HERC4: variants seen among roughly 807,000 people sequenced by gnomAD.
HERC4 encodes probable E3 ubiquitin-protein ligase HERC4.
HERC4 carries 28 observed loss-of-function variants against 124.3 expected under a neutral mutation model. The ratio of observed to expected loss-of-function variants is 0.23; its 90% CI spans 0.17 to 0.31. HERC4 has a LOEUF of 0.31. Ranked by LOEUF, HERC4 falls within the 10% of genes least tolerant of loss-of-function variation. The pLI is 1.00. For missense variants in HERC4, 713 were observed against 1,229.3 expected, an observed-to-expected ratio of 0.58 and a Z score of 6.28; for synonymous variants, 407 against 421.5, an observed-to-expected ratio of 0.97 and a Z score of 0.42.
In HERC4 at chr10:68,049,796, CACT is replaced by C. The variant is rs964562079; in HGVS notation, c.227-5236_227-5234del. Among the ~76,000 whole-genome samples, 10 of 151,546 alleles carry C rather than the reference CACT, an allele frequency of 6.6e-5. 1 individual carries two copies. The highest frequency in any genetic ancestry group is 2.6e-4 in the Admixed American group (4 of 15,194). ...CATGGGGGCAAATGCTTGTAGTTTCCACTACTCAGGGAATTGAGGTGGGAGGAT... is the reference window on the plus strand; with the variant it reads ...CATGGGGGCAAATGCTTGTAGTTTCCACTCAGGGAATTGAGGTGGGAGGAT... On this transcript the variant is annotated intron_variant, in intron 3 of 24. Coordinates refer to ENST00000373700, the MANE Select transcript of HERC4 (RefSeq NM_015601.4).
intron 16 of HERC4, chr10:67,965,020 C>G: frequency 6.6e-6 from 1 of 152,384 alleles, no homozygotes; most frequent in Non-Finnish European, 1.5e-5. Flanking sequence ...GATCTGCCCA[C>G]CTCGGCCTCC....
chr10:67,976,322 T>C (rs375583306), intron 15 of HERC4, among the ~76,000 whole-genome samples: 26 of 152,362 alleles, frequency 1.7e-4, no homozygotes, highest in Middle Eastern at 3.4e-3. Context: ...CCAATATTTA[T>C]GTTTATACAT....
At chr10:68,010,319 G>A in intron 9 of HERC4, 1 of 938,490 alleles carries the variant, frequency 1.1e-6, no homozygotes, top group East Asian at 2.8e-5. Context: ...TACCAAAATG[G>A]GAGCCTGGGG....
At position 67,988,653 on chromosome 10, in the gene HERC4, T is replaced by C. The variant is rs762438636; in HGVS notation, c.1806+10A>G. On this transcript the variant is annotated intron_variant, in intron 15 of 24. Transcript: ENST00000373700. ...GGGAAAGAGGAAAATAAAGGAATGATTGGACATACCCTATGTAGTATTTCT... is the reference window on the plus strand; with the variant it reads ...GGGAAAGAGGAAAATAAAGGAATGACTGGACATACCCTATGTAGTATTTCT... 13 of 1,473,618 alleles carry C rather than the reference T, an allele frequency of 8.8e-6. No individual in the cohort carries two copies. Among genetic ancestry groups the C allele is most frequent in the South Asian group, 1.3e-5 (1 of 78,376 alleles). The allele number at this position is 1,473,618 out of a possible 1,614,324, so 91.3% of individuals were successfully genotyped here. A position where few individuals can be genotyped will look rare whatever the true frequency, so the allele number is the denominator to read the frequency against.
intron 19 of HERC4, among the ~76,000 whole-genome samples, chr10:67,947,002 G>C (rs1056537754): frequency 6.6e-6 from 1 of 152,154 alleles, no homozygotes; most frequent in Non-Finnish European, 1.5e-5. Context: ...AAGAGAGAGA[G>C]AGAGACCCCA....
chr10:68,071,797 A>C (rs2041588652), intron 3 of HERC4, among the ~76,000 whole-genome samples: 1 of 152,332 alleles, frequency 6.6e-6, no homozygotes, highest in East Asian at 1.9e-4. Flanking sequence ...CATTTATCCA[A>C]TAAAAAATAA....
At chr10:68,061,187 T>C (rs944851299) in intron 3 of HERC4, among the ~76,000 whole-genome samples, 1 of 152,172 alleles carries the variant, frequency 6.6e-6, no homozygotes, top group Non-Finnish European at 1.5e-5. Context: ...AAGCAACTTA[T>C]ACCTATGTCA....
At chr10:68,023,625 T>C (rs1436056757) in intron 8 of HERC4, among the ~76,000 whole-genome samples, 1 of 152,108 alleles carries the variant, frequency 6.6e-6, no homozygotes, top group African/African-American at 2.4e-5. Context: ...TAGAGATGAA[T>C]GGTGATGATG....
chr10:67,966,662 C>T (rs1266484224), intron 16 of HERC4, 21 bp downstream of exon 16: 2 of 1,596,626 alleles, frequency 1.3e-6, no homozygotes, highest in East Asian at 2.2e-5. Flanking sequence ...AATGAAATCA[C>T]AAATTGCACA....
chr10:67,955,181 T>C, intron 17 of HERC4, 51 bp from the exon 18 acceptor site: 6 of 1,509,506 alleles, frequency 4.0e-6, no homozygotes, highest in Non-Finnish European at 5.3e-6. Flanking sequence ...ATAAAGCTAC[T>C]GTGACTGAAA....
intron 15 of HERC4, among the ~76,000 whole-genome samples, chr10:67,971,523 G>A (rs890771793): frequency 4.0e-5 from 6 of 151,854 alleles, no homozygotes. Flanking sequence ...CTAAAAAAAG[G>A]AGAAAAAAAT....
intron 3 of HERC4, among the ~76,000 whole-genome samples, chr10:68,061,426 G>A (rs1348271955): frequency 5.3e-5 from 8 of 151,314 alleles, no homozygotes; most frequent in African/African-American, 1.5e-4. Flanking sequence ...CCAGCTAATC[G>A]GGAGGCTGAG....
At chr10:68,004,912 G>A (rs1353695586) in intron 9 of HERC4, among the ~76,000 whole-genome samples, 5 of 152,158 alleles carry the variant, frequency 3.3e-5, no homozygotes, top group African/African-American at 9.7e-5. Context: ...TGAGGATTAC[G>A]ATTCAAGATG....
In HERC4 at chr10:67,992,153, A is replaced by G. The variant is rs778150283; in HGVS notation, c.1271+46T>C. The G allele has an allele frequency of 1.2e-5, 19 of 1,577,164 alleles. No homozygotes were observed. The Admixed American group carries it at 3.0e-4, about 25-fold the overall frequency. On this transcript the variant is annotated intron_variant, in intron 11 of 24. Coordinates refer to ENST00000373700, the MANE Select transcript of HERC4 (RefSeq NM_015601.4). ...CTCAGGCAATCTGCCTGGTGCTGGGATTACAGGCATGAGCCACTGTGCCTG... is the reference window on the plus strand; with the variant it reads ...CTCAGGCAATCTGCCTGGTGCTGGGGTTACAGGCATGAGCCACTGTGCCTG...
At chr10:67,980,423 G>C (rs1003213964) in intron 15 of HERC4, among the ~76,000 whole-genome samples, 1 of 151,964 alleles carries the variant, frequency 6.6e-6, no homozygotes, top group Admixed American at 6.6e-5. Flanking sequence ...ATGAGCCACC[G>C]CACCCCACCC....
At chr10:68,073,607 C>T (rs1342451014) in intron 2 of HERC4, 50 bp downstream of exon 2, 3 of 153,222 alleles carry the variant, frequency 2.0e-5, no homozygotes, top group Non-Finnish European at 4.4e-5. Flanking sequence ...TAGCCAACTG[C>T]AGAAACATAA....
At position 68,073,060 on chromosome 10, in the gene HERC4, T is replaced by C; in HGVS notation, c.49A>G (p.Ile17Val). The C allele has an allele frequency of 6.2e-7, 1 of 1,614,014 alleles. No individual in the cohort carries two copies. Among genetic ancestry groups the C allele is most frequent in the Non-Finnish European group, 8.5e-7 (1 of 1,179,940 alleles). The stretch of plus-strand genomic sequence containing the variant: ...GGCTCTAGTACAATTTCTTCATCAA[T>C]TCCACCCAAACCTAGCTGCCCAAAG... ...ASFGQLGLGG[I>V]DEEIVLEPRK... The change falls in exon 3 of 25, where the codon ATT becomes GTT. Residue 17 changes from isoleucine (I) to valine (V), a missense_variant. Transcript: ENST00000373700.
At chr10:67,943,661 G>C (rs2033100157) in intron 19 of HERC4, among the ~76,000 whole-genome samples, 1 of 152,138 alleles carries the variant, frequency 6.6e-6, no homozygotes, top group Non-Finnish European at 1.5e-5. Flanking sequence ...TGATAGTTAG[G>C]GTGCTGCACT....
intron 6 of HERC4, 136 bp downstream of exon 6, chr10:68,033,829 A>T: frequency 1.5e-6 from 1 of 670,882 alleles, no homozygotes; most frequent in East Asian, 2.7e-5. Flanking sequence ...CCCAAATGGA[A>T]TTTTTAAATA....
Sources: gnomAD v4.1 joint callset for allele counts (sites outside exome capture counted in the v4.1 genomes callset) on GRCh38, gnomAD v4.1.1 for gene constraint, MANE v1.5 for transcripts, NCBI Gene and HGNC (gene_info 2026-07-23, HGNC 2026-07-21) for gene names.